The following ZKSCAN5 variants were observed in gnomAD, a reference collection of about 807,000 sequenced individuals.
ZKSCAN5 encodes zinc finger protein with KRAB and SCAN domains 5.
A neutral mutation model predicts 60.0 loss-of-function variants in ZKSCAN5; 28 were observed. The observed-to-expected ratio is 0.47, with a 90% confidence interval of 0.35 to 0.64. ZKSCAN5 has a LOEUF of 0.64. Ranked by LOEUF, ZKSCAN5 falls within the 30% of genes least tolerant of loss-of-function variation. ZKSCAN5 has a pLI of 0.01. For missense variants in ZKSCAN5, 881 were observed against 1,034.6 expected (o/e 0.85, Z 2.04); for synonymous variants, 361 against 371.2 (o/e 0.97, Z 0.31).
chr7:99,523,008 T>C (rs1801610125), intron 5 of ZKSCAN5, among the ~76,000 whole-genome samples: 1 of 147,018 alleles, frequency 6.8e-6, no homozygotes, highest in South Asian at 2.2e-4. Context: ...CTACTAAAAA[T>C]ACAAAAATTA....
intron 2 of ZKSCAN5, 147 bp from the exon 3 acceptor site, chr7:99,512,306 A>T: frequency 2.2e-6 from 2 of 923,252 alleles, no homozygotes; most frequent in Non-Finnish European, 3.2e-6. Flanking sequence ...CATGTTTATT[A>T]AGTAACTGCA....
chr7:99,512,358 G>C, intron 2 of ZKSCAN5, 95 bp from the exon 3 acceptor site: 1 of 1,466,564 alleles, frequency 6.8e-7, no homozygotes, highest in Non-Finnish European at 9.2e-7. Context: ...TTAAATATTT[G>C]GCAAAGGAAT....
rs761203856 is a variant in ZKSCAN5 at position 99,531,602 on chromosome 7, AGCGT to A, written c.1876_1879del (p.Val626ThrfsTer50). 6.2e-7 allele frequency: 1 copy of A among 1,614,186 alleles called. No individual in the cohort carries two copies. The highest frequency in any genetic ancestry group is 2.2e-5 in the East Asian group (1 of 44,884). ...GAGGTCCCACCTTGTTCAGCATCAG[AGCGT>A]GCACAGTGGGGAGAGACCCTTCAAG... On this transcript the variant is annotated frameshift_variant, in exon 7 of 7. Coordinates refer to ENST00000326775, the MANE Select transcript of ZKSCAN5 (RefSeq NM_145102.4). LOFTEE classifies it high-confidence loss of function.
chr7:99,533,575 A>G lies in ZKSCAN5; in HGVS notation c.*1326A>G. The G allele has an allele frequency of 4.8e-6, 2 of 412,892 alleles. No homozygotes were observed. The highest frequency in any genetic ancestry group is 8.5e-6 in the Non-Finnish European group (2 of 234,070). The allele number at this position is 412,892 out of a possible 1,614,324, so 25.6% of individuals were successfully genotyped here. On this transcript the variant is annotated 3_prime_UTR_variant, in exon 7 of 7. Coordinates refer to ENST00000326775, the MANE Select transcript of ZKSCAN5 (RefSeq NM_145102.4). ...ACAGCTCTTGTTCTCCAGAAACTGG[A>G]GAATTGCCCTCAGGAGATGAGAGCC...
Position 99,525,951 on chromosome 7 carries a change from G to C in ZKSCAN5, c.911G>C (p.Gly304Ala), listed in dbSNP as rs1438040346. ...PDFAEVSDLK[G>A]MVQRWQVNPT... ...TTTGCAGAAGTCAGTGACCTTAAAG[G>C]CATGGTACAAAGGTGGCAGGTCAAC... Residue 304 changes from glycine to alanine, a missense_variant, in exon 6 of 7, where the codon GGC becomes GCC. Coordinates refer to ENST00000326775, the MANE Select transcript of ZKSCAN5 (RefSeq NM_145102.4). The C allele has an allele frequency of 4.3e-6, 7 of 1,613,904 alleles. No individual in the cohort carries two copies. The highest frequency in any genetic ancestry group is 1.7e-5 in the Admixed American group (1 of 59,950).
At chr7:99,527,753 C>G (rs1801857488) in intron 6 of ZKSCAN5, among the ~76,000 whole-genome samples, 1 of 152,080 alleles carries the variant, frequency 6.6e-6, no homozygotes, top group Non-Finnish European at 1.5e-5. Flanking sequence ...GGCACGATCT[C>G]AGCTCACTGC....
chr7:99,521,444 G>C (rs1801536579), intron 5 of ZKSCAN5, among the ~76,000 whole-genome samples: 1 of 152,046 alleles, frequency 6.6e-6, no homozygotes, highest in Admixed American at 6.6e-5. Context: ...GATCTGCCCA[G>C]CTTGGCCTCC....
At chr7:99,511,435 T>TTTTC (rs1013425000) in intron 2 of ZKSCAN5, among the ~76,000 whole-genome samples, 62 of 152,098 alleles carry the variant, frequency 4.1e-4, no homozygotes, top group Admixed American at 1.3e-3. Context: ...GAGAATTTTG[T>TTTTC]TTTCTTTCTT....
At chr7:99,528,078 AAT>A (rs1801873062) in intron 6 of ZKSCAN5, among the ~76,000 whole-genome samples, 1 of 150,968 alleles carries the variant, frequency 6.6e-6, no homozygotes, top group African/African-American at 2.4e-5. Context: ...GGCCCTTACT[AAT>A]ATTCTTCAGA....
intron 5 of ZKSCAN5, 142 bp downstream of exon 5, chr7:99,520,446 C>A: frequency 1.1e-6 from 1 of 951,678 alleles, no homozygotes; most frequent in Non-Finnish European, 1.5e-6. Context: ...AAGAATAAAT[C>A]AGCCTTCATT....
In ZKSCAN5 at chr7:99,532,341, C is replaced by T. The variant is rs1562919691; in HGVS notation, c.*92C>T. ...AACTTCAAGCATTTTTCCAGCGTTACCATCAAACTCACAAATAGGTTGAAA... is the reference window on the plus strand; with the variant it reads ...AACTTCAAGCATTTTTCCAGCGTTATCATCAAACTCACAAATAGGTTGAAA... On this transcript the variant is annotated 3_prime_UTR_variant, in exon 7 of 7. Coordinates refer to ENST00000326775, the MANE Select transcript of ZKSCAN5 (RefSeq NM_145102.4). 8.0e-7 allele frequency: 1 copy of T among 1,247,864 alleles called. No homozygotes were observed. The highest frequency in any genetic ancestry group is 1.5e-5 in the African/African-American group (1 of 66,602). 77.3% of individuals were successfully genotyped at this position (1,247,864 alleles called of 1,614,324 possible).
intron 2 of ZKSCAN5, among the ~76,000 whole-genome samples, chr7:99,511,706 G>C (rs964609928): frequency 2.0e-5 from 3 of 152,206 alleles, no homozygotes; most frequent in Non-Finnish European, 2.9e-5. Flanking sequence ...GCCTCCGAAA[G>C]TGTTGAGATT....
At chr7:99,528,119 CTTTTTTTTTT>C (rs869150553) in intron 6 of ZKSCAN5, among the ~76,000 whole-genome samples, 1 of 121,256 alleles carries the variant, frequency 8.2e-6, no homozygotes, top group Non-Finnish European at 1.8e-5. Context: ...AAATGTTTTT[CTTTTTTTTTT>C]TTTTTTTTTT....
At position 99,530,976 on chromosome 7, in the gene ZKSCAN5, G is replaced by A. The variant is rs574768154; in HGVS notation, c.1379-132G>A. 3 of 778,140 alleles carry A rather than the reference G, an allele frequency of 3.9e-6. No individual in the cohort carries two copies. In the South Asian group the frequency reaches 5.5e-5, roughly 14 times the overall value. The allele number at this position is 778,140 out of a possible 1,614,324, so 48.2% of individuals were successfully genotyped here. A position where few individuals can be genotyped will look rare whatever the true frequency, so the allele number is the denominator to read the frequency against. ...AGAGGCTGAGGCAGGAGAATCACTT[G>A]AACCCAGGAGGCAGAGGTTGCAGTG... On this transcript the variant is annotated intron_variant, in intron 6 of 6. Transcript: ENST00000326775.
intron 3 of ZKSCAN5, among the ~76,000 whole-genome samples, chr7:99,518,825 G>A (rs1423195406): frequency 6.6e-6 from 1 of 151,028 alleles, no homozygotes; most frequent in Non-Finnish European, 1.5e-5. Context: ...ACAGGCGCCC[G>A]CCACCATGCC....
Position 99,533,862 on chromosome 7 carries a change from A to G in ZKSCAN5, c.*1613A>G, listed in dbSNP as rs1802155866. On this transcript the variant is annotated 3_prime_UTR_variant, in exon 7 of 7. Coordinates refer to ENST00000326775, the MANE Select transcript of ZKSCAN5 (RefSeq NM_145102.4). Reference sequence around the variant, plus strand: ...CCTGTCTCAGGCTCTGCTTTAGAGAACCTGATCTAAGACATTTGGTGCCAC... The same window carrying G: ...CCTGTCTCAGGCTCTGCTTTAGAGAGCCTGATCTAAGACATTTGGTGCCAC... The G allele has an allele frequency of 2.7e-6, 1 of 367,584 alleles. No individual in the cohort carries two copies. The highest frequency in any genetic ancestry group is 2.1e-5 in the African/African-American group (1 of 47,928). 22.8% of individuals were successfully genotyped at this position (367,584 alleles called of 1,614,324 possible).
At chr7:99,507,528 T>G (rs1445550500) in intron 2 of ZKSCAN5, among the ~76,000 whole-genome samples, 1 of 134,774 alleles carries the variant, frequency 7.4e-6, no homozygotes, top group African/African-American at 3.4e-5. Context: ...TATATGTATA[T>G]GTGTATATAT....
intron 2 of ZKSCAN5, among the ~76,000 whole-genome samples, chr7:99,511,186 C>A (rs919630001): frequency 6.6e-6 from 1 of 152,176 alleles, no homozygotes; most frequent in East Asian, 1.9e-4. Context: ...TGAGCTAGTA[C>A]CTTCCAGAAT....
At chr7:99,508,501 C>T (rs1800869753) in intron 2 of ZKSCAN5, among the ~76,000 whole-genome samples, 1 of 151,984 alleles carries the variant, frequency 6.6e-6, no homozygotes, top group Non-Finnish European at 1.5e-5. Flanking sequence ...CGCCTGTAAT[C>T]CCAGCACTTT....
Sources: gnomAD v4.1 joint callset for allele counts (sites outside exome capture counted in the v4.1 genomes callset) on GRCh38, gnomAD v4.1.1 for gene constraint, MANE v1.5 for transcripts, NCBI Gene and HGNC (gene_info 2026-07-23, HGNC 2026-07-21) for gene names.